The following SVIL variants were observed in gnomAD, a reference collection of about 807,000 sequenced individuals.
SVIL encodes the protein archvillin.
A neutral mutation model predicts 240.4 loss-of-function variants in SVIL; 101 were observed. The observed-to-expected ratio is 0.42, with a 90% CI of 0.36 to 0.50. SVIL has a LOEUF of 0.50. Ranked by LOEUF, SVIL falls within the 20% of genes least tolerant of loss-of-function variation. The pLI is 0.01. For missense variants in SVIL, 2,512 were observed against 2,818.7 expected (o/e 0.89, Z 2.46); for synonymous variants, 999 against 1,100.0 (o/e 0.91, Z 1.82).
At chr10:29,501,348 A>G (rs1948877968) in intron 17 of SVIL, among the ~76,000 whole-genome samples, 1 of 151,548 alleles carries the variant, frequency 6.6e-6, no homozygotes, top group South Asian at 2.1e-4. Context: ...TTTAGGAAAT[A>G]AAGTCAAATA....
At chr10:29,646,103 G>A (rs575226224) in intron 3 of SVIL, among the ~76,000 whole-genome samples, 1 of 152,294 alleles carries the variant, frequency 6.6e-6, no homozygotes, top group South Asian at 2.1e-4. Flanking sequence ...GATATATTAA[G>A]TGCTCGATAA....
chr10:29,713,006 G>A lies in SVIL; in HGVS notation c.-400+22745C>T, dbSNP rs1401914364. On this transcript the variant is annotated intron_variant, in intron 1 of 35. Transcript: ENST00000375400. ...AGCCTGGCCAACATGGTGAAACCCC[G>A]TCTCTACTAAAAATACAAAAGAATT... Among the ~76,000 whole-genome samples the A allele has an allele frequency of 3.9e-5, 6 of 151,906 alleles. No homozygotes were observed. In the South Asian group the frequency reaches 6.2e-4, roughly 16 times the overall value.
At chr10:29,730,285 A>T (rs1414863739) in intron 1 of SVIL, among the ~76,000 whole-genome samples, 2 of 152,176 alleles carry the variant, frequency 1.3e-5, no homozygotes, top group African/African-American at 4.8e-5. Context: ...TGGGTGAAAA[A>T]CCCAGTGAGG....
intron 1 of SVIL, among the ~76,000 whole-genome samples, chr10:29,719,445 C>A (rs1045338317): frequency 1.3e-5 from 2 of 152,130 alleles, no homozygotes; most frequent in African/African-American, 2.4e-5. Flanking sequence ...TTCCATCCCC[C>A]CAGAAGATAA....
intron 3 of SVIL, among the ~76,000 whole-genome samples, chr10:29,645,493 C>T (rs1163039534): frequency 2.0e-5 from 3 of 152,098 alleles, no homozygotes; most frequent in Non-Finnish European, 4.4e-5. Context: ...TTGCTTGAAC[C>T]CGGGAGGTGG....
At chr10:29,607,438 T>G (rs1323801746) in intron 1 of SVIL, among the ~76,000 whole-genome samples, 1 of 152,250 alleles carries the variant, frequency 6.6e-6, no homozygotes, top group African/African-American at 2.4e-5. Context: ...TAAAATGTAA[T>G]AAATTAACTT....
At position 29,542,654 on chromosome 10, in the gene SVIL, A is replaced by G. The variant is rs115402832; in HGVS notation, c.828-6585T>C. Among the ~76,000 whole-genome samples, 559 of 152,268 alleles carry G rather than the reference A, an allele frequency of 3.7e-3. 1 individual carries two copies. Among genetic ancestry groups the G allele is most frequent in the African/African-American group, 0.013 (529 of 41,558 alleles). On this transcript the variant is annotated intron_variant, in intron 6 of 37. Transcript: ENST00000355867. Reference sequence around the variant, plus strand: ...GAATGGGGTATCCATCCCCTTAAGTATTTATTCTTTGTGTCACAAACAATT... The same window carrying G: ...GAATGGGGTATCCATCCCCTTAAGTGTTTATTCTTTGTGTCACAAACAATT...
chr10:29,559,536 T>C (rs1954261832), intron 3 of SVIL, among the ~76,000 whole-genome samples: 1 of 152,234 alleles, frequency 6.6e-6, no homozygotes, highest in Non-Finnish European at 1.5e-5. Context: ...ATAATTCATA[T>C]ATGGTTCATG....
intron 1 of SVIL, among the ~76,000 whole-genome samples, chr10:29,571,693 A>G (rs1955425434): frequency 6.6e-6 from 1 of 152,250 alleles, no homozygotes; most frequent in South Asian, 2.1e-4. Context: ...TTTAACCACA[A>G]TATGTAGTTG....
intron 1 of SVIL, among the ~76,000 whole-genome samples, chr10:29,603,245 C>T (rs143114097): frequency 1.3e-3 from 200 of 151,966 alleles, no homozygotes; most frequent in African/African-American, 4.7e-3. Flanking sequence ...CCCTCATCCT[C>T]GTATCACAGA....
At chr10:29,582,476 C>T (rs1955985816) in intron 1 of SVIL, among the ~76,000 whole-genome samples, 3 of 152,120 alleles carry the variant, frequency 2.0e-5, no homozygotes, top group African/African-American at 7.2e-5. Flanking sequence ...GTGGCTCACA[C>T]CTGTAATCCC....
chr10:29,463,351 T>C (rs920551609), intron 35 of SVIL, 141 bp downstream of exon 35: 11 of 1,106,028 alleles, frequency 9.9e-6, no homozygotes, highest in Non-Finnish European at 1.4e-5. Flanking sequence ...GGGGAAAAAA[T>C]TGGTTTCATC....
At chr10:29,632,208 C>T (rs1248816557) in intron 1 of SVIL, among the ~76,000 whole-genome samples, 2 of 151,770 alleles carry the variant, frequency 1.3e-5, no homozygotes, top group Non-Finnish European at 2.9e-5. Context: ...TTAAATAACT[C>T]GCCGGGTGTG....
upstream of SVIL, among the ~76,000 whole-genome samples, chr10:29,639,710 GC>G (rs1958425189): frequency 6.6e-6 from 1 of 152,102 alleles, no homozygotes; most frequent in African/African-American, 2.4e-5. Context: ...CGCGTGATCT[GC>G]CCGCCTTGGC....
chr10:29,665,831 C>T (rs968659372), intron 2 of SVIL, among the ~76,000 whole-genome samples: 5 of 151,786 alleles, frequency 3.3e-5, no homozygotes, highest in African/African-American at 1.2e-4. Flanking sequence ...AACAAAAAAC[C>T]CTACTGCTAT....
intron 17 of SVIL, among the ~76,000 whole-genome samples, chr10:29,503,975 T>A (rs1949086152): frequency 6.6e-6 from 1 of 152,202 alleles, no homozygotes. Flanking sequence ...CAATCAAGAT[T>A]GTGTGGTATT....
At chr10:29,624,763 ACT>A (rs1467969334) in intron 1 of SVIL, among the ~76,000 whole-genome samples, 1 of 150,762 alleles carries the variant, frequency 6.6e-6, no homozygotes, top group African/African-American at 2.4e-5. Flanking sequence ...AGCTTAGAAA[ACT>A]CTCTCCTTTA....
intron 24 of SVIL, 25 bp downstream of exon 24, chr10:29,487,137 AG>A: frequency 6.2e-7 from 1 of 1,612,412 alleles, no homozygotes; most frequent in Non-Finnish European, 8.5e-7. Context: ...TGTTAGCTAA[AG>A]CATTTTTATT....
At chr10:29,622,090 A>C (rs1957671161) in intron 1 of SVIL, among the ~76,000 whole-genome samples, 1 of 150,914 alleles carries the variant, frequency 6.6e-6, no homozygotes, top group Admixed American at 6.6e-5. Context: ...CTCTACTAAA[A>C]ATACAAAAAA....
Sources: allele counts gnomAD v4.1 joint callset (sites outside exome capture counted in the v4.1 genomes callset), GRCh38; gene constraint gnomAD v4.1.1; transcripts MANE v1.5; gene names NCBI Gene and HGNC (gene_info 2026-07-23, HGNC 2026-07-21).